LRMDA: variants seen among roughly 807,000 people sequenced by gnomAD.
LRMDA encodes leucine-rich melanocyte differentiation-associated protein.
Under a neutral mutation model 29.8 loss-of-function variants are expected in LRMDA, and 18 were observed. That is an observed-to-expected ratio of 0.60 (90% confidence interval 0.42 to 0.90). The LOEUF (loss-of-function observed/expected upper bound fraction) is 0.90, where lower values mean the gene tolerates loss of function less well. Ranked by LOEUF, LRMDA falls within the 40% of genes least tolerant of loss-of-function variation. LRMDA has a pLI of 0.00. For missense variants in LRMDA, 273 were observed against 273.9 expected (o/e 1.00, Z 0.02); for synonymous variants, 125 against 109.4 (o/e 1.14, Z -0.89).
chr10:75,524,537 G>C (rs1845394174), intron 2 of LRMDA, among the ~76,000 whole-genome samples: 1 of 152,084 alleles, frequency 6.6e-6, no homozygotes, highest in African/African-American at 2.4e-5. Context: ...TAGGAATTAG[G>C]CTCTCCTTTC....
intron 5 of LRMDA, among the ~76,000 whole-genome samples, chr10:76,219,062 A>C (rs995780374): frequency 1.3e-5 from 2 of 152,130 alleles, no homozygotes; most frequent in Admixed American, 1.3e-4. Flanking sequence ...GGGAGAATGC[A>C]ATTAAAGATT....
chr10:75,495,260 C>T (rs1326666181), intron 2 of LRMDA, among the ~76,000 whole-genome samples: 1 of 152,068 alleles, frequency 6.6e-6, no homozygotes, highest in Non-Finnish European at 1.5e-5. Context: ...CTCCCTCCCT[C>T]CCTTCTGTTT....
chr10:75,745,505 A>G (rs891972784), intron 2 of LRMDA, among the ~76,000 whole-genome samples: 1 of 152,188 alleles, frequency 6.6e-6, no homozygotes, highest in Non-Finnish European at 1.5e-5. Flanking sequence ...TAAAAACACT[A>G]TATTTTGGAA....
chr10:76,444,838 G>A (rs1309757727), intron 6 of LRMDA, among the ~76,000 whole-genome samples: 1 of 151,682 alleles, frequency 6.6e-6, no homozygotes. Context: ...TGTACTATAT[G>A]TGTGTGCATA....
intron 5 of LRMDA, among the ~76,000 whole-genome samples, chr10:76,157,815 A>G (rs964345303): frequency 6.6e-6 from 1 of 152,182 alleles, no homozygotes; most frequent in Non-Finnish European, 1.5e-5. Flanking sequence ...TCATTGTGTG[A>G]ACATCATAGT....
intron 6 of LRMDA, among the ~76,000 whole-genome samples, chr10:76,360,512 A>T (rs1841298698): frequency 6.6e-6 from 1 of 152,166 alleles, no homozygotes; most frequent in Admixed American, 6.6e-5. Flanking sequence ...CAGATCAAGT[A>T]ACTTACCTAC....
chr10:75,811,331 C>T (rs1843956455), intron 2 of LRMDA, among the ~76,000 whole-genome samples: 1 of 152,138 alleles, frequency 6.6e-6, no homozygotes, highest in South Asian at 2.1e-4. Flanking sequence ...CAGTTGTGGT[C>T]ATAGCAACAT....
intron 5 of LRMDA, among the ~76,000 whole-genome samples, chr10:76,223,804 T>C (rs1287156974): frequency 6.6e-6 from 1 of 152,222 alleles, no homozygotes; most frequent in East Asian, 1.9e-4. Context: ...ATCACCTCAT[T>C]TGACTGTGAC....
intron 2 of LRMDA, among the ~76,000 whole-genome samples, chr10:75,842,477 G>A (rs1444362991): frequency 6.6e-6 from 1 of 152,058 alleles, no homozygotes; most frequent in Non-Finnish European, 1.5e-5. Context: ...TTATTTCACA[G>A]TCTCACTAGA....
At chr10:75,624,801 G>A (rs1210099550) in intron 2 of LRMDA, among the ~76,000 whole-genome samples, 2 of 152,126 alleles carry the variant, frequency 1.3e-5, no homozygotes, top group Non-Finnish European at 2.9e-5. Context: ...TCCTGCTCCA[G>A]GTAATTAATT....
chr10:75,933,762 T>G (rs1241612702), intron 2 of LRMDA, among the ~76,000 whole-genome samples: 2 of 152,160 alleles, frequency 1.3e-5, no homozygotes, highest in African/African-American at 4.8e-5. Flanking sequence ...TTTTTCTGCC[T>G]TTATATTCTT....
intron 2 of LRMDA, among the ~76,000 whole-genome samples, chr10:75,707,076 A>T (rs1842379017): frequency 6.6e-6 from 1 of 152,076 alleles, no homozygotes; most frequent in Non-Finnish European, 1.5e-5. Flanking sequence ...GGCGTTGGAG[A>T]TTTGCAGTAG....
At chr10:76,029,320 A>G (rs538005656) in intron 2 of LRMDA, among the ~76,000 whole-genome samples, 1 of 152,342 alleles carries the variant, frequency 6.6e-6, no homozygotes, top group South Asian at 2.1e-4. Context: ...AAAAAGCAGT[A>G]TATAAATAAA....
At chr10:76,390,775 T>C (rs1841714629) in intron 6 of LRMDA, among the ~76,000 whole-genome samples, 1 of 152,140 alleles carries the variant, frequency 6.6e-6, no homozygotes, top group Admixed American at 6.5e-5. Context: ...CCAGGGTCCA[T>C]TCAGATTTGT....
At chr10:76,055,192 G>A (rs1028476329) in intron 4 of LRMDA, among the ~76,000 whole-genome samples, 6 of 151,918 alleles carry the variant, frequency 3.9e-5, no homozygotes, top group African/African-American at 1.5e-4. Flanking sequence ...TGGAGGGAAG[G>A]CAGAACCCAG....
chr10:75,627,991 C>A (rs1038805626), intron 2 of LRMDA, among the ~76,000 whole-genome samples: 1 of 152,216 alleles, frequency 6.6e-6, no homozygotes, highest in African/African-American at 2.4e-5. Flanking sequence ...ATATCTCCAG[C>A]ATCCTGGATG....
chr10:76,467,896 C>G (rs1158880751), intron 6 of LRMDA, among the ~76,000 whole-genome samples: 1 of 152,190 alleles, frequency 6.6e-6, no homozygotes, highest in Non-Finnish European at 1.5e-5. Context: ...ATCCCTTGTA[C>G]TGGTTTCTGG....
chr10:75,632,721 T>C (rs1841339391), intron 2 of LRMDA, among the ~76,000 whole-genome samples: 1 of 150,666 alleles, frequency 6.6e-6, no homozygotes, highest in Non-Finnish European at 1.5e-5. Context: ...TCTTTTCTGA[T>C]GCAGAAAGGC....
At position 75,538,769 on chromosome 10, in the gene LRMDA, A is replaced by G. The variant is rs144556656; in HGVS notation, c.131+100275A>G. 6.2e-3 allele frequency among the ~76,000 whole-genome samples: 948 copies of G among 152,262 alleles called. 7 individuals carry two copies. The highest frequency in any genetic ancestry group is 0.02 in the African/African-American group (837 of 41,546). On this transcript the variant is annotated intron_variant, in intron 2 of 6. Coordinates refer to ENST00000611255, the MANE Select transcript of LRMDA (RefSeq NM_001305581.2). ...CTGGCAGAGAGACTTTATGCATGTT[A>G]CCTAAGCTGGGATTTGATCTTCAGA...
Sources: gnomAD v4.1 joint callset for allele counts (sites outside exome capture counted in the v4.1 genomes callset) on GRCh38, gnomAD v4.1.1 for gene constraint, MANE v1.5 for transcripts, NCBI Gene and HGNC (gene_info 2026-07-23, HGNC 2026-07-21) for gene names.